MPP7: variants seen among roughly 807,000 people sequenced by gnomAD.
MPP7 encodes MAGUK p55 subfamily member 7.
In MPP7, 60 loss-of-function variants were observed where a neutral mutation model predicts 76.5. That is an observed-to-expected ratio of 0.78 (90% CI 0.64 to 0.97). MPP7 has a LOEUF of 0.97. Among genes scored for constraint, MPP7 ranks in the 50% least tolerant of loss-of-function variants. The probability of loss-of-function intolerance (pLI) is 0.00; values close to 1 mark genes in which losing one functional copy is unlikely to be tolerated. For missense variants in MPP7, 641 were observed against 694.0 expected (o/e 0.92, Z 0.86); for synonymous variants, 237 against 244.5 (o/e 0.97, Z 0.29).
chr10:28,072,888 C>T (rs1025038402), intron 12 of MPP7, among the ~76,000 whole-genome samples: 1 of 152,138 alleles, frequency 6.6e-6, no homozygotes, highest in African/African-American at 2.4e-5. Flanking sequence ...TTAATGTCTT[C>T]ATCTCTCTTA....
At chr10:28,218,804 T>C (rs935619017) in intron 2 of MPP7, among the ~76,000 whole-genome samples, 1 of 152,150 alleles carries the variant, frequency 6.6e-6, no homozygotes, top group Non-Finnish European at 1.5e-5. Context: ...AAAACAAACA[T>C]GTAACTTACA....
chr10:28,085,817 G>T (rs1426993773), intron 12 of MPP7, among the ~76,000 whole-genome samples: 1 of 151,706 alleles, frequency 6.6e-6, no homozygotes, highest in East Asian at 1.9e-4. Context: ...GATATCACAG[G>T]GCTAGAAAAA....
At chr10:28,141,820 A>G (rs1835530222) in intron 5 of MPP7, among the ~76,000 whole-genome samples, 1 of 152,232 alleles carries the variant, frequency 6.6e-6, no homozygotes, top group Non-Finnish European at 1.5e-5. Flanking sequence ...TACATTTGCA[A>G]GAATAATGAT....
chr10:28,210,892 T>C (rs1465441154), intron 2 of MPP7, among the ~76,000 whole-genome samples: 2 of 152,210 alleles, frequency 1.3e-5, no homozygotes, highest in East Asian at 3.9e-4. Context: ...GACTTATTTA[T>C]TTGATGGGAT....
At chr10:28,072,477 C>T (rs1168826136) in intron 12 of MPP7, among the ~76,000 whole-genome samples, 2 of 152,152 alleles carry the variant, frequency 1.3e-5, no homozygotes, top group African/African-American at 2.4e-5. Context: ...TACCCATCAG[C>T]CATTTTGACA....
chr10:28,247,318 C>T (rs1196404463), intron 1 of MPP7, among the ~76,000 whole-genome samples: 1 of 152,120 alleles, frequency 6.6e-6, no homozygotes, highest in African/African-American at 2.4e-5. Context: ...AAAAAATACA[C>T]TTTCTAAAAA....
chr10:28,163,160 T>C (rs1377210382), intron 3 of MPP7, among the ~76,000 whole-genome samples: 5 of 152,154 alleles, frequency 3.3e-5, no homozygotes, highest in Non-Finnish European at 7.3e-5. Flanking sequence ...ATCCTCCCTG[T>C]GATCTGGTCT....
chr10:28,221,474 A>C (rs1248727188), intron 2 of MPP7, among the ~76,000 whole-genome samples: 2 of 152,198 alleles, frequency 1.3e-5, no homozygotes, highest in Non-Finnish European at 2.9e-5. Context: ...GTGGCACTTC[A>C]AATCAGTTAT....
chr10:28,197,539 C>T (rs531492218), intron 3 of MPP7, among the ~76,000 whole-genome samples: 1 of 152,286 alleles, frequency 6.6e-6, no homozygotes, highest in Non-Finnish European at 1.5e-5. Context: ...CCAAATCCTC[C>T]ATGAACCGCC....
In MPP7 at chr10:28,316,435, TAAAAAAAAAAAAAAAAAAAAAA is replaced by T. The variant is rs549621404; in HGVS notation, c.-132+13472_-132+13493del. On this transcript the variant is annotated intron_variant, in intron 2 of 11. Transcript: ENST00000441595. ...GGGCAACAGAGTAAGACTCTGTCTT[TAAAAAAAAAAAAAAAAAAAAAA>T]AAAAAAAAAAAAAAACTATCTGAGA... Among the ~76,000 whole-genome samples the T allele has an allele frequency of 5.7e-4, 21 of 37,152 alleles. 1 individual carries two copies. The South Asian group carries it at 0.016, about 29-fold the overall frequency. 24.4% of individuals were successfully genotyped at this position (37,152 alleles called of 152,430 possible).
chr10:28,230,961 T>C (rs554178746), intron 2 of MPP7, among the ~76,000 whole-genome samples: 7 of 152,276 alleles, frequency 4.6e-5, no homozygotes, highest in Non-Finnish European at 1.0e-4. Flanking sequence ...TACAGAATAT[T>C]TGAATGACTT....
intron 3 of MPP7, among the ~76,000 whole-genome samples, chr10:28,200,739 G>C (rs1189172845): frequency 1.3e-5 from 2 of 152,078 alleles, no homozygotes; most frequent in Non-Finnish European, 2.9e-5. Context: ...TATTTTATTT[G>C]AAACTCACAA....
chr10:28,290,126 T>A (rs1840880295), intron 1 of MPP7, among the ~76,000 whole-genome samples: 1 of 152,030 alleles, frequency 6.6e-6, no homozygotes, highest in South Asian at 2.1e-4. Flanking sequence ...GCCAAACCAT[T>A]GATTTCTAAT....
Position 28,053,201 on chromosome 10 carries a change from C to T in MPP7, c.*864G>A, listed in dbSNP as rs1851422956. 1 of 151,960 alleles carries T rather than the reference C, an allele frequency of 6.6e-6. No individual in the cohort carries two copies. The allele number at this position is 151,960 out of a possible 1,614,324, so 9.4% of individuals were successfully genotyped here. A position where few individuals can be genotyped will look rare whatever the true frequency, so the allele number is the denominator to read the frequency against. The stretch of plus-strand genomic sequence containing the variant: ...GTTTTACATGTTTTAGAATAGAAAT[C>T]CTTCTTCTAATTTATTGGAAAAATC... On this transcript the variant is annotated 3_prime_UTR_variant, in exon 17 of 17. Coordinates refer to ENST00000683449, the MANE Select transcript of MPP7 (RefSeq NM_001318170.2).
At chr10:28,278,394 G>T (rs186485746) in intron 1 of MPP7, among the ~76,000 whole-genome samples, 4 of 152,158 alleles carry the variant, frequency 2.6e-5, no homozygotes, top group Admixed American at 2.6e-4. Context: ...CGACTTACTG[G>T]TGGTATCCAT....
chr10:28,198,358 CT>C (rs760668548), intron 3 of MPP7, among the ~76,000 whole-genome samples: 1 of 152,092 alleles, frequency 6.6e-6, no homozygotes, highest in Admixed American at 6.6e-5. Context: ...AGGTGGATCC[CT>C]TAGGTCAGGA....
At chr10:28,184,940 T>C (rs1334360620) in intron 3 of MPP7, among the ~76,000 whole-genome samples, 1 of 147,380 alleles carries the variant, frequency 6.8e-6, no homozygotes, top group Non-Finnish European at 1.5e-5. Context: ...TTATATATCA[T>C]AATGTAATAA....
At chr10:28,190,293 A>G (rs1181158867) in intron 3 of MPP7, among the ~76,000 whole-genome samples, 2 of 152,216 alleles carry the variant, frequency 1.3e-5, no homozygotes, top group African/African-American at 4.8e-5. Flanking sequence ...ATCTGTAAGG[A>G]TATAGTTGAA....
intron 13 of MPP7, among the ~76,000 whole-genome samples, chr10:28,069,380 G>A (rs1293350847): frequency 6.6e-6 from 1 of 151,974 alleles, no homozygotes; most frequent in Non-Finnish European, 1.5e-5. Flanking sequence ...CGAGGCAGGT[G>A]GATCACAAGG....
Sources: gnomAD v4.1 joint callset for allele counts (sites outside exome capture counted in the v4.1 genomes callset) on GRCh38, gnomAD v4.1.1 for gene constraint, MANE v1.5 for transcripts, NCBI Gene and HGNC (gene_info 2026-07-23, HGNC 2026-07-21) for gene names.